Variants in CLIC4 observed in about 807,000 individuals in gnomAD.
CLIC4 encodes the protein chloride intracellular channel protein 4.
Under a neutral mutation model 24.6 loss-of-function variants are expected in CLIC4, and 13 were observed. The observed-to-expected ratio is 0.53, with a 90% CI of 0.34 to 0.84. CLIC4 has a LOEUF of 0.84. CLIC4 is among the 40% of genes least tolerant of loss of function. The probability of loss-of-function intolerance (pLI) is 0.01; values close to 1 mark genes in which losing one functional copy is unlikely to be tolerated. For missense variants in CLIC4, 227 were observed against 301.7 expected (o/e 0.75, Z 1.83); for synonymous variants, 104 against 111.3 (o/e 0.93, Z 0.41).
chr1:24,786,268 A>C (rs745401438), intron 1 of CLIC4, among the ~76,000 whole-genome samples: 24 of 152,238 alleles, frequency 1.6e-4, no homozygotes, highest in Non-Finnish European at 3.1e-4. Context: ...TGACTATTCT[A>C]AAGACTGATT....
intron 3 of CLIC4, among the ~76,000 whole-genome samples, chr1:24,819,603 A>C (rs897080434): frequency 1.3e-5 from 2 of 151,552 alleles, no homozygotes; most frequent in Non-Finnish European, 2.9e-5. Context: ...ATGCCCAGCT[A>C]ATTTTTTCTG....
At chr1:24,810,479 T>A (rs1571256268) in intron 2 of CLIC4, among the ~76,000 whole-genome samples, 1 of 152,196 alleles carries the variant, frequency 6.6e-6, no homozygotes, top group East Asian at 1.9e-4. Flanking sequence ...AGGACCCCTT[T>A]GTACTCTTAA....
At chr1:24,759,953 C>T (rs572374783) in intron 1 of CLIC4, among the ~76,000 whole-genome samples, 3 of 151,692 alleles carry the variant, frequency 2.0e-5, no homozygotes, top group Admixed American at 1.3e-4. Flanking sequence ...AGAGTGAGAC[C>T]GTGTCTCAAA....
Position 24,745,483 on chromosome 1 carries a change from A to C in CLIC4, c.-71A>C, listed in dbSNP as rs1571223756. On this transcript the variant is annotated 5_prime_UTR_variant, in exon 1 of 6. Coordinates refer to ENST00000374379, the MANE Select transcript of CLIC4 (RefSeq NM_013943.3). Reference sequence around the variant, plus strand: ...CAGCACGGCGGGAACCGGCAGCCGGAGCAGTCCCGGAGCAGAAGCAGCAGC... The same window carrying C: ...CAGCACGGCGGGAACCGGCAGCCGGCGCAGTCCCGGAGCAGAAGCAGCAGC... The C allele has an allele frequency of 7.1e-7, 1 of 1,413,078 alleles. No homozygotes were observed. The highest frequency in any genetic ancestry group is 9.6e-7 in the Non-Finnish European group (1 of 1,036,952). 87.5% of individuals were successfully genotyped at this position (1,413,078 alleles called of 1,614,324 possible).
chr1:24,745,604 C>G lies in CLIC4; in HGVS notation c.51C>G (p.Pro17=). The G allele has an allele frequency of 1.3e-6, 2 of 1,578,888 alleles. No individual in the cohort carries two copies. The highest frequency in any genetic ancestry group is 1.7e-6 in the Non-Finnish European group (2 of 1,165,710). Residue 17 remains proline, a synonymous_variant, in exon 1 of 6, where the codon CCC becomes CCG. Coordinates refer to ENST00000374379, the MANE Select transcript of CLIC4 (RefSeq NM_013943.3). ...LNGLKEEDKE[P]LIELFVKAGS... The stretch of plus-strand genomic sequence containing the variant: ...GGCTGAAGGAGGAGGACAAAGAGCC[C>G]CTCATCGAGCTCTTCGTCAAGGTGA...
intron 1 of CLIC4, among the ~76,000 whole-genome samples, chr1:24,748,732 T>TAAGTG (rs976453856): frequency 1.3e-5 from 2 of 151,814 alleles, no homozygotes; most frequent in African/African-American, 4.8e-5. Flanking sequence ...CTCCTGACCT[T>TAAGTG]AAGTGATCTG....
intron 1 of CLIC4, among the ~76,000 whole-genome samples, chr1:24,765,671 G>A (rs926665718): frequency 7.2e-5 from 11 of 152,112 alleles, no homozygotes; most frequent in Admixed American, 2.6e-4. Context: ...AGATTATACC[G>A]TTGCCTCCGT....
intron 3 of CLIC4, among the ~76,000 whole-genome samples, chr1:24,825,907 A>C (rs1356473050): frequency 6.6e-6 from 1 of 152,184 alleles, no homozygotes; most frequent in African/African-American, 2.4e-5. Flanking sequence ...CTAAAGTCTT[A>C]TTGCTCCCAA....
rs1313504041 is a variant in CLIC4 at position 24,832,207 on chromosome 1, ATTT to A, written c.415+5097_415+5099del. 2.1e-3 allele frequency among the ~76,000 whole-genome samples: 4 copies of A among 1,894 alleles called. 2 individuals are homozygous for A. Among genetic ancestry groups the A allele is most frequent in the African/African-American group, 2.3e-3 (4 of 1,724 alleles). 1.2% of individuals were successfully genotyped at this position (1,894 alleles called of 152,430 possible). ...TATTATTTTATGTTTTTGATTTTTTATTTTTTTTATTTTTTATTTTTTTTTTCT... is the reference window on the plus strand; with the variant it reads ...TATTATTTTATGTTTTTGATTTTTTATTTTTATTTTTTATTTTTTTTTTCT... On this transcript the variant is annotated intron_variant, in intron 4 of 5. Coordinates refer to ENST00000374379, the MANE Select transcript of CLIC4 (RefSeq NM_013943.3).
At chr1:24,800,754 C>T (rs1182208960) in intron 2 of CLIC4, among the ~76,000 whole-genome samples, 3 of 152,208 alleles carry the variant, frequency 2.0e-5, no homozygotes, top group African/African-American at 7.2e-5. Context: ...TCTTGTTGGT[C>T]TGTGACCTTA....
intron 1 of CLIC4, among the ~76,000 whole-genome samples, chr1:24,795,663 C>T (rs989529805): frequency 4.6e-5 from 7 of 152,132 alleles, no homozygotes; most frequent in African/African-American, 1.4e-4. Flanking sequence ...CTCCACCTCC[C>T]GGGTTCAAGC....
chr1:24,844,211 G>A lies in CLIC4; in HGVS notation c.*3274G>A, dbSNP rs1639970500. 2 of 152,530 alleles carry A rather than the reference G, an allele frequency of 1.3e-5. No individual in the cohort carries two copies. 9.4% of individuals were successfully genotyped at this position (152,530 alleles called of 1,614,324 possible). ...ATTTTCTTTTATCTTTGGAACATCA[G>A]CACCAGTATATTGCTGGCAGCTATT... is the stretch of plus-strand genomic sequence containing the variant. On this transcript the variant is annotated 3_prime_UTR_variant, in exon 6 of 6. Coordinates refer to ENST00000374379, the MANE Select transcript of CLIC4 (RefSeq NM_013943.3).
In CLIC4 at chr1:24,814,147, C is replaced by T; in HGVS notation, c.236C>T (p.Thr79Ile). The T allele has an allele frequency of 6.2e-7, 1 of 1,614,130 alleles. No homozygotes were observed. Among genetic ancestry groups the T allele is most frequent in the Non-Finnish European group, 8.5e-7 (1 of 1,180,002 alleles). Residue 79 changes from threonine (T) to isoleucine (I), a missense_variant, in exon 3 of 6, where the codon ACT becomes ATT. Transcript: ENST00000374379. Reference sequence around the variant, plus strand: ...CCCGGGACCCACCCACCATTTATAACTTTCAACAGTGAAGTCAAAACGGAT... The same window carrying T: ...CCCGGGACCCACCCACCATTTATAATTTTCAACAGTGAAGTCAAAACGGAT... ...LAPGTHPPFI[T>I]FNSEVKTDVN...
In CLIC4 at chr1:24,840,973, C is replaced by T. The variant is rs773508748; in HGVS notation, c.*36C>T. The T allele has an allele frequency of 1.3e-6, 2 of 1,545,198 alleles. No individual in the cohort carries two copies. Among genetic ancestry groups the T allele is most frequent in the Admixed American group, 3.9e-5 (2 of 51,378 alleles). ...GTAAAAGAGATGTCTTCATGTCTTC[C>T]CCTAAGAATACGCTTTTCCTAACAG... On this transcript the variant is annotated 3_prime_UTR_variant, in exon 6 of 6. Transcript: ENST00000374379.
chr1:24,830,285 T>G (rs1318227909), intron 4 of CLIC4, among the ~76,000 whole-genome samples: 1 of 152,158 alleles, frequency 6.6e-6, no homozygotes, highest in Non-Finnish European at 1.5e-5. Flanking sequence ...TTTCTGTAAG[T>G]ACGTATTATG....
At chr1:24,825,222 C>T (rs1013749474) in intron 3 of CLIC4, among the ~76,000 whole-genome samples, 23 of 151,986 alleles carry the variant, frequency 1.5e-4, no homozygotes, top group Admixed American at 6.6e-4. Context: ...ATAGTGGTTG[C>T]GGAAAAGGAG....
At chr1:24,792,456 T>C (rs1251694622) in intron 1 of CLIC4, among the ~76,000 whole-genome samples, 1 of 152,182 alleles carries the variant, frequency 6.6e-6, no homozygotes, top group Admixed American at 6.5e-5. Flanking sequence ...ACTTCCAAAG[T>C]GTTGGGATTA....
chr1:24,802,238 G>A (rs1639499106), intron 2 of CLIC4, among the ~76,000 whole-genome samples: 1 of 152,084 alleles, frequency 6.6e-6, no homozygotes, highest in South Asian at 2.1e-4. Context: ...ACCCATTATA[G>A]CTATTTCAGA....
chr1:24,793,353 T>C (rs1006099715), intron 1 of CLIC4: 2 of 152,200 alleles, frequency 1.3e-5, no homozygotes, highest in African/African-American at 4.8e-5. Flanking sequence ...GTGCTGTAAA[T>C]TGACTTGGGT....
Sources: allele counts gnomAD v4.1 joint callset (sites outside exome capture counted in the v4.1 genomes callset), GRCh38; gene constraint gnomAD v4.1.1; transcripts MANE v1.5; gene names NCBI Gene and HGNC (gene_info 2026-07-23, HGNC 2026-07-21).